The following SAGE1 variants were observed in gnomAD, a reference collection of about 807,000 sequenced individuals.
SAGE1 encodes sarcoma antigen 1.
In SAGE1, 55 loss-of-function variants were observed where a neutral mutation model predicts 55.4. That is an observed-to-expected ratio of 0.99 (90% CI 0.80 to 1.24). The LOEUF is 1.24. Ranked by LOEUF, SAGE1 falls within the 50% of genes most tolerant of loss-of-function variation. The pLI is 0.00. For synonymous variants in SAGE1, 240 were observed against 244.3 expected, an observed-to-expected ratio of 0.98 and a Z score of 0.17; for missense variants, 710 against 704.4, an observed-to-expected ratio of 1.01 and a Z score of -0.09.
intron 4 of SAGE1, 114 bp downstream of exon 4, chrX:135,904,683 A>G: frequency 2.0e-6 from 1 of 505,144 alleles, no homozygotes; most frequent in Non-Finnish European, 3.4e-6. Context: ...CATGAATTAT[A>G]GAAGGTGGTT....
rs1289656049 is a variant in SAGE1, at chrX:135,896,259, T to C, written c.17T>C (p.Leu6Pro). The C allele has an allele frequency of 4.2e-6, 5 of 1,200,180 alleles. No individual in the cohort carries two copies. The highest frequency in any genetic ancestry group is 3.5e-5 in the African/African-American group (2 of 57,191). ...TATCTGCAGATGCAGGCTTCTCCACTTCAAACGAGTCAACCAACTCCACCT... is the reference window on the plus strand; with the variant it reads ...TATCTGCAGATGCAGGCTTCTCCACCTCAAACGAGTCAACCAACTCCACCT... MQASP[L>P]QTSQPTPPEE... is the part of the protein sequence containing the mutation. The change falls in exon 2 of 20, where the codon CTT (leucine) becomes CCT (proline). Residue 6 changes from leucine to proline, a missense_variant. Coordinates refer to ENST00000370709, the MANE Select transcript of SAGE1 (RefSeq NM_001381902.1).
intron 9 of SAGE1, 69 bp downstream of exon 9, chrX:135,907,522 G>A: frequency 8.4e-6 from 9 of 1,066,294 alleles, no homozygotes; most frequent in Admixed American, 2.5e-5. Context: ...ATAAAGGGAA[G>A]GAGGTTGTTT....
intron 3 of SAGE1, among the ~76,000 whole-genome samples, chrX:135,903,038 A>G (rs1556597866): frequency 1.8e-5 from 2 of 111,873 alleles, no homozygotes; most frequent in African/African-American, 6.5e-5. Context: ...CAGACCCTGA[A>G]CCGGCTTTGG....
Position 135,908,912 on chromosome X carries a change from A to G in SAGE1, c.1490A>G (p.Lys497Arg). ...CGTGAAGAGAAGATGGAAAGTGGCA[A>G]ACCCCAAACTGATAAGGTCATATCA... is the stretch of plus-strand genomic sequence containing the variant. ...SVREEKMESG[K>R]PQTDKVISND... The change falls in exon 13 of 20, where the codon AAA (lysine) becomes AGA (arginine). Residue 497 changes from lysine to arginine, a missense_variant. Physicochemically the swap from Lys to Arg is conservative, Grantham distance 26. Transcript: ENST00000370709. 8.3e-7 allele frequency: 1 copy of G among 1,209,388 alleles called. No individual in the cohort carries two copies. The highest frequency in any genetic ancestry group is 1.1e-6 in the Non-Finnish European group (1 of 893,747).
At chrX:135,902,734 A>T (rs782301592) in intron 3 of SAGE1, among the ~76,000 whole-genome samples, 33 of 111,904 alleles carry the variant, frequency 2.9e-4, no homozygotes, top group African/African-American at 9.7e-4. Context: ...AAAGTCACTT[A>T]TGAGTTATCT....
In SAGE1 at chrX:135,906,544, G is replaced by A; in HGVS notation, c.729G>A (p.Arg243=). ...CTGGTATTTCACCCATGAGTACCAGGGATCCATGTAAGTTTGTTTATTTGT... is the reference window on the plus strand; with the variant it reads ...CTGGTATTTCACCCATGAGTACCAGAGATCCATGTAAGTTTGTTTATTTGT... ...TDTGISPMST[R]DPYATITYNV... Residue 243 remains arginine, a synonymous_variant, in exon 7 of 20, where the codon AGG becomes AGA. Coordinates refer to ENST00000370709, the MANE Select transcript of SAGE1 (RefSeq NM_001381902.1). The A allele has an allele frequency of 1.0e-5, 12 of 1,189,765 alleles. No homozygotes were observed. The highest frequency in any genetic ancestry group is 1.2e-5 in the Non-Finnish European group (11 of 880,923).
At position 135,908,576 on chromosome X, in the gene SAGE1, T is replaced by A; in HGVS notation, c.1400T>A (p.Met467Lys). Residue 467 changes from methionine (M) to lysine (K), a missense_variant, in exon 12 of 20, where the codon ATG becomes AAG. Physicochemically the swap from Met to Lys is moderately conservative, Grantham distance 95 (BLOSUM62 -1). Transcript: ENST00000370709. ...AATGTTCTATCCGGGCTTATTAATATGGCAGGAGCTAGTATTCCAGCAATG... is the reference window on the plus strand; with the variant it reads ...AATGTTCTATCCGGGCTTATTAATAAGGCAGGAGCTAGTATTCCAGCAATG... ...LSNVLSGLIN[M>K]AGASIPAMSS... is the part of the protein sequence containing the mutation. The A allele has an allele frequency of 1.7e-6, 2 of 1,205,344 alleles. No individual in the cohort carries two copies. The highest frequency in any genetic ancestry group is 2.2e-6 in the Non-Finnish European group (2 of 892,552).
chrX:135,911,061 T>C (rs1182797189), intron 16 of SAGE1, 131 bp from the exon 17 acceptor site: 17 of 707,567 alleles, frequency 2.4e-5, no homozygotes, highest in Non-Finnish European at 3.3e-5. Context: ...TTTCAGGGTC[T>C]CTGATTGCCA....
intron 19 of SAGE1, 143 bp from the exon 20 acceptor site, chrX:135,912,655 T>C (rs1314815619): frequency 2.7e-6 from 3 of 1,099,130 alleles, no homozygotes; most frequent in Non-Finnish European, 3.6e-6. Flanking sequence ...TCACTTTGTA[T>C]TTTTCTAGTT....
At chrX:135,910,759 CATAATGCACTTACCTCACGGCTCA>C (rs1479809860) in intron 16 of SAGE1, among the ~76,000 whole-genome samples, 1 of 111,672 alleles carries the variant, frequency 9.0e-6, no homozygotes, top group African/African-American at 3.3e-5. Flanking sequence ...ATGGGGTTGA[CATAATGCACTTACCTCACGGCTCA>C]ATCTCTTCAT....
chrX:135,895,700 C>T (rs566292846), intron 1 of SAGE1, among the ~76,000 whole-genome samples: 9 of 111,861 alleles, frequency 8.0e-5, no homozygotes, highest in African/African-American at 2.9e-4. Flanking sequence ...AGTCAGCTAA[C>T]TCTAGGTGAA....
Position 135,896,980 on chromosome X carries a change from CAAGAT to C in SAGE1, c.87+653_87+657del, listed in dbSNP as rs782723600. ...GTCAAATGGCTTGCCCCATGTGACA[CAAGAT>C]AGGAGGTAGAGCCAGGGTTTGAACG... On this transcript the variant is annotated intron_variant, in intron 2 of 19. Coordinates refer to ENST00000370709, the MANE Select transcript of SAGE1 (RefSeq NM_001381902.1). 3.6e-5 allele frequency among the ~76,000 whole-genome samples: 4 copies of C among 111,776 alleles called. No homozygotes were observed. The South Asian group carries it at 1.5e-3, about 42-fold the overall frequency.
chrX:135,908,913 ACCCC>A lies in SAGE1; in HGVS notation c.1492_1495del (p.Pro498LysfsTer24). On this transcript the variant is annotated frameshift_variant, in exon 13 of 20. Transcript: ENST00000370709. LOFTEE classifies it high-confidence loss of function. ...GTGAAGAGAAGATGGAAAGTGGCAAACCCCAAACTGATAAGGTCATATCAAATGA... is the reference window on the plus strand; with the variant it reads ...GTGAAGAGAAGATGGAAAGTGGCAAAAAACTGATAAGGTCATATCAAATGA... 8.3e-7 allele frequency: 1 copy of A among 1,208,882 alleles called. No homozygotes were observed. Among genetic ancestry groups the A allele is most frequent in the African/African-American group, 1.7e-5 (1 of 57,464 alleles).
chrX:135,907,545 T>G, intron 9 of SAGE1, 92 bp downstream of exon 9: 1 of 1,002,398 alleles, frequency 1.0e-6, no homozygotes, highest in Non-Finnish European at 1.4e-6. Flanking sequence ...TTGGATTCTC[T>G]TTCATGAGCT....
At chrX:135,907,194 C>T (rs2088811373) in intron 8 of SAGE1, 119 bp from the exon 9 acceptor site, 1 of 1,032,901 alleles carries the variant, frequency 9.7e-7, no homozygotes, top group Non-Finnish European at 1.3e-6. Flanking sequence ...CAGATCACCA[C>T]CTGTCATGTC....
rs2148089386 is a variant in SAGE1 at position 135,907,330 on chromosome X, A to G, written c.895A>G (p.Asn299Asp). ...TNGLYSTVPH[N>D]VCEEKMENDQ... ...TTTTCCAGATTCCACCGTCCCTCAC[A>G]ATGTCTGTGAAGAGAAGATGGAAAA... The change falls in exon 9 of 20, where the codon AAT becomes GAT. Residue 299 changes from asparagine (N) to aspartate (D), a missense_variant. Transcript: ENST00000370709. 2 of 1,208,324 alleles carry G rather than the reference A, an allele frequency of 1.7e-6. No homozygotes were observed. The highest frequency in any genetic ancestry group is 3.0e-5 in the East Asian group (1 of 33,768).
At position 135,905,393 on chromosome X, in the gene SAGE1, G is replaced by A. The variant is rs782544975; in HGVS notation, c.454+1G>A. 2.8e-5 allele frequency: 33 copies of A among 1,195,027 alleles called. 1 individual carries two copies. Among genetic ancestry groups the A allele is most frequent in the South Asian group, 1.5e-4 (8 of 54,815 alleles). On this transcript the variant is annotated splice_donor_variant, in intron 5 of 19. Coordinates refer to ENST00000370709, the MANE Select transcript of SAGE1 (RefSeq NM_001381902.1). LOFTEE classifies it high-confidence loss of function. ...CCATCCATGAGTACCAGGGATCTGC[G>A]TATGTCTGCTAATTAGTTGTACTGT... is the stretch of plus-strand genomic sequence containing the variant.
At chrX:135,906,800 A>T in intron 7 of SAGE1, 126 bp from the exon 8 acceptor site, 1 of 966,659 alleles carries the variant, frequency 1.0e-6, no homozygotes, top group Non-Finnish European at 1.4e-6. Context: ...GGGGTCTCGT[A>T]TGGCAACCTG....
At chrX:135,904,028 G>A (rs1345230294) in intron 3 of SAGE1, among the ~76,000 whole-genome samples, 1 of 111,801 alleles carries the variant, frequency 8.9e-6, no homozygotes, top group Admixed American at 9.5e-5. Context: ...CTCTGGGGGA[G>A]GATGGGACAA....
Sources: allele counts gnomAD v4.1 joint callset (sites outside exome capture counted in the v4.1 genomes callset), GRCh38; gene constraint gnomAD v4.1.1; transcripts MANE v1.5; gene names NCBI Gene and HGNC (gene_info 2026-07-23, HGNC 2026-07-21).